The following MIOS variants were observed in gnomAD, a reference collection of about 807,000 sequenced individuals.
The protein encoded by MIOS is meiosis regulator for oocyte development, also known as GATOR2 complex protein MIOS.
A neutral mutation model predicts 96.9 loss-of-function variants in MIOS; 52 were observed. The observed-to-expected ratio is 0.54, with a 90% CI of 0.43 to 0.68. MIOS has a LOEUF of 0.68. MIOS is among the 30% of genes least tolerant of loss of function. MIOS has a pLI of 0.00. For missense variants in MIOS, 1,005 were observed against 1,052.8 expected (o/e 0.95, Z 0.63); for synonymous variants, 397 against 359.5 (o/e 1.10, Z -1.18).
intron 5 of MIOS, among the ~76,000 whole-genome samples, chr7:7,574,433 T>G (rs1354802919): frequency 6.6e-6 from 1 of 152,192 alleles, no homozygotes; most frequent in African/African-American, 2.4e-5. Context: ...TTCTTAAATC[T>G]ATCCACACGT....
rs1783159489 is a variant in MIOS, at chr7:7,567,001, C to T, written c.-292C>T. On this transcript the variant is annotated 5_prime_UTR_variant, in exon 1 of 13. Coordinates refer to ENST00000340080, the MANE Select transcript of MIOS (RefSeq NM_019005.4). ...GCCGCGGCCGCCATCTTGCCCGCGT[C>T]CGGGCTCCTGCGGCGGGCGGGGCGG... 1 of 152,084 alleles carries T rather than the reference C, an allele frequency of 6.6e-6. No individual in the cohort carries two copies. The highest frequency in any genetic ancestry group is 1.5e-5 in the Non-Finnish European group (1 of 68,026). The allele number at this position is 152,084 out of a possible 1,614,324, so 9.4% of individuals were successfully genotyped here.
intron 11 of MIOS, among the ~76,000 whole-genome samples, chr7:7,601,917 C>T (rs10952063): frequency 0.75 from 113,385 of 150,880 alleles, 43,229 homozygotes; most frequent in Admixed American, 0.84. Context: ...GCTGGTTCAA[C>T]ATACGAAAAT....
Position 7,574,576 on chromosome 7 carries a change from G to A in MIOS, c.1393+380G>A, listed in dbSNP as rs1273850503. On this transcript the variant is annotated intron_variant, in intron 5 of 12. Coordinates refer to ENST00000340080, the MANE Select transcript of MIOS (RefSeq NM_019005.4). ...AAAACTAAAAAGATCTCTAATTGAA[G>A]GAGATCCCTTTTTATTTTGCTCCTC... 2.6e-5 allele frequency among the ~76,000 whole-genome samples: 4 copies of A among 152,154 alleles called. No homozygotes were observed. The South Asian group carries it at 8.3e-4, about 32-fold the overall frequency.
At chr7:7,592,884 A>G (rs1272116928) in intron 9 of MIOS, among the ~76,000 whole-genome samples, 1 of 152,136 alleles carries the variant, frequency 6.6e-6, no homozygotes, top group African/African-American at 2.4e-5. Flanking sequence ...ACCTGGGGGT[A>G]TATTGGGGGT....
At chr7:7,593,808 G>A (rs886535034) in intron 9 of MIOS, among the ~76,000 whole-genome samples, 2 of 148,430 alleles carry the variant, frequency 1.3e-5, no homozygotes, top group African/African-American at 2.5e-5. Flanking sequence ...GAGCCCGGGA[G>A]GCAGAGGTTG....
intron 9 of MIOS, among the ~76,000 whole-genome samples, chr7:7,590,148 C>T (rs1200346512): frequency 6.6e-6 from 1 of 152,078 alleles, no homozygotes; most frequent in Non-Finnish European, 1.5e-5. Flanking sequence ...TGATCTTATC[C>T]TTACATGATG....
Position 7,588,526 on chromosome 7 carries a change from G to C in MIOS, c.1847G>C (p.Arg616Thr). 6.3e-7 allele frequency: 1 copy of C among 1,593,618 alleles called. No homozygotes were observed. Among genetic ancestry groups the C allele is most frequent in the Middle Eastern group, 1.7e-4 (1 of 6,004 alleles). Residue 616 changes from arginine to threonine, a missense_variant, in exon 8 of 13, where the codon AGA (arginine) becomes ACA (threonine). By Grantham distance (71) the Arg-to-Thr change is moderately conservative (BLOSUM62 -1). Coordinates refer to ENST00000340080, the MANE Select transcript of MIOS (RefSeq NM_019005.4). ...GAAAACAAAGTTGCAGTACGTGACA[G>C]AGTGGCATTTGCTTGTAAATTCCTT... is the stretch of plus-strand genomic sequence containing the variant. ...LYENKVAVRD[R>T]VAFACKFLSD...
intron 8 of MIOS, 85 bp downstream of exon 8, chr7:7,588,648 T>C (rs925000277): frequency 1.5e-5 from 11 of 712,016 alleles, no homozygotes; most frequent in African/African-American, 1.5e-4. Context: ...TAATTACATA[T>C]GTATGAGATT....
chr7:7,584,273 G>C (rs1404284857), intron 6 of MIOS, among the ~76,000 whole-genome samples: 1 of 152,018 alleles, frequency 6.6e-6, no homozygotes, highest in African/African-American at 2.4e-5. Context: ...TCATTTAAGA[G>C]TGCAATAGAA....
intron 5 of MIOS, among the ~76,000 whole-genome samples, chr7:7,576,633 A>T (rs1183783147): frequency 1.3e-5 from 2 of 152,192 alleles, no homozygotes; most frequent in Admixed American, 6.5e-5. Context: ...AACTCAAGAA[A>T]GACTTAGAAA....
At chr7:7,601,344 AAG>A (rs1784372948) in intron 11 of MIOS, among the ~76,000 whole-genome samples, 1 of 152,152 alleles carries the variant, frequency 6.6e-6, no homozygotes, top group Non-Finnish European at 1.5e-5. Flanking sequence ...TAAAGAAGAA[AAG>A]AGAGAAAAAT....
intron 11 of MIOS, among the ~76,000 whole-genome samples, chr7:7,604,221 T>TA (rs940973512): frequency 6.0e-5 from 9 of 151,196 alleles, no homozygotes; most frequent in Non-Finnish European, 8.9e-5. Context: ...TAATAAAATT[T>TA]AAAAAAAAAT....
chr7:7,603,421 CAAAAG>C (rs1554302874), intron 11 of MIOS, among the ~76,000 whole-genome samples: 1 of 152,134 alleles, frequency 6.6e-6, no homozygotes, highest in Non-Finnish European at 1.5e-5. Context: ...AGACACTTCT[CAAAAG>C]AAGACATTTA....
chr7:7,602,470 C>T (rs976520825), intron 11 of MIOS, among the ~76,000 whole-genome samples: 1 of 152,060 alleles, frequency 6.6e-6, no homozygotes, highest in African/African-American at 2.4e-5. Context: ...AACTCCCATT[C>T]ACAATTGCTT....
intron 11 of MIOS, among the ~76,000 whole-genome samples, chr7:7,600,026 C>A (rs1279318409): frequency 5.9e-5 from 9 of 152,012 alleles, no homozygotes; most frequent in African/African-American, 1.9e-4. Flanking sequence ...CTGGAGGGTG[C>A]TAGGTGGGAG....
intron 5 of MIOS, among the ~76,000 whole-genome samples, chr7:7,582,145 T>C (rs779801132): frequency 2.6e-4 from 39 of 152,154 alleles, no homozygotes; most frequent in Non-Finnish European, 4.6e-4. Context: ...AATTGCAGTA[T>C]TGTATGTAAA....
intron 10 of MIOS, among the ~76,000 whole-genome samples, chr7:7,595,481 T>A (rs1023496045): frequency 2.6e-5 from 4 of 152,244 alleles, no homozygotes; most frequent in African/African-American, 7.2e-5. Flanking sequence ...TTTGGGTTTT[T>A]TAGACTTTAG....
At chr7:7,593,532 C>G (rs1452911609) in intron 9 of MIOS, among the ~76,000 whole-genome samples, 1 of 152,062 alleles carries the variant, frequency 6.6e-6, no homozygotes, top group African/African-American at 2.4e-5. Flanking sequence ...GAAGTAGAGA[C>G]TTTCTCTCCT....
intron 3 of MIOS, among the ~76,000 whole-genome samples, chr7:7,568,522 C>CAT (rs368927900): frequency 2.6e-3 from 395 of 152,302 alleles, no homozygotes; most frequent in Non-Finnish European, 4.2e-3. Context: ...CATAGATGCA[C>CAT]CTCTCTATAC....
Sources: allele counts gnomAD v4.1 joint callset (sites outside exome capture counted in the v4.1 genomes callset), GRCh38; gene constraint gnomAD v4.1.1; transcripts MANE v1.5; gene names NCBI Gene and HGNC (gene_info 2026-07-23, HGNC 2026-07-21).